The following TMEM156 variants were observed in gnomAD, a reference collection of about 807,000 sequenced individuals.
The protein encoded by TMEM156 is transmembrane protein 156.
In TMEM156, 28 loss-of-function variants were observed where a neutral mutation model predicts 30.5. The observed-to-expected ratio is 0.92, with a 90% CI of 0.68 to 1.26. TMEM156 has a LOEUF of 1.26. Among genes scored for constraint, TMEM156 ranks in the 50% most tolerant of loss-of-function variants. The pLI, the probability that TMEM156 is intolerant of heterozygous loss-of-function variation, is 0.00. For synonymous variants in TMEM156, 137 were observed against 119.9 expected, an observed-to-expected ratio of 1.14 and a Z score of -0.93; for missense variants, 351 against 340.6, an observed-to-expected ratio of 1.03 and a Z score of -0.24.
chr4:39,031,907 A>ACT, intron 1 of TMEM156, among the ~76,000 whole-genome samples: 1 of 106,264 alleles, frequency 9.4e-6, no homozygotes, highest in African/African-American at 3.1e-5. Context: ...ATAAAAAAAT[A>ACT]AAAAAAAACT....
At chr4:39,024,661 C>A (rs1055932007) in intron 1 of TMEM156, among the ~76,000 whole-genome samples, 1 of 152,040 alleles carries the variant, frequency 6.6e-6, no homozygotes, top group African/African-American at 2.4e-5. Context: ...ACACTGGGGC[C>A]TACCAGAGGG....
chr4:39,017,566 T>G (rs1714585848), intron 1 of TMEM156, among the ~76,000 whole-genome samples: 1 of 152,162 alleles, frequency 6.6e-6, no homozygotes, highest in South Asian at 2.1e-4. Flanking sequence ...TAAAACTAGC[T>G]ATTTGAATTG....
At chr4:39,001,059 G>A (rs1460947196) in intron 1 of TMEM156, among the ~76,000 whole-genome samples, 2 of 151,896 alleles carry the variant, frequency 1.3e-5, no homozygotes, top group Admixed American at 6.6e-5. Context: ...CTAAGGAATA[G>A]GCAACCTATC....
chr4:39,002,884 T>TG lies in TMEM156; in HGVS notation c.89-3976dup, dbSNP rs970567676. Among the ~76,000 whole-genome samples, 1,054 of 127,146 alleles carry TG rather than the reference T, an allele frequency of 8.3e-3. 13 individuals are homozygous for TG. The highest frequency in any genetic ancestry group is 0.03 in the African/African-American group (981 of 32,186). The allele number at this position is 127,146 out of a possible 152,430, so 83.4% of individuals were successfully genotyped here. A position where few individuals can be genotyped will look rare whatever the true frequency, so the allele number is the denominator to read the frequency against. On this transcript the variant is annotated intron_variant, in intron 1 of 6. Transcript: ENST00000381938. The stretch of plus-strand genomic sequence containing the variant: ...GAACATCACACTCTGGGGCCTGTTG[T>TG]GGGGGGGTGGACGGGGGAGGGATAG...
intron 6 of TMEM156, 33 bp downstream of exon 6, chr4:38,970,999 T>G (rs1722569235): frequency 7.3e-7 from 1 of 1,360,812 alleles, no homozygotes; most frequent in East Asian, 2.3e-5. Flanking sequence ...GTGTTTATAA[T>G]GAAGAAGTCG....
At chr4:39,030,261 G>C (rs1715439112) in intron 1 of TMEM156, among the ~76,000 whole-genome samples, 1 of 151,896 alleles carries the variant, frequency 6.6e-6, no homozygotes, top group South Asian at 2.1e-4. Context: ...AAGAGAAACA[G>C]CCATTTTAAG....
chr4:38,987,574 G>A (rs1318651651), intron 4 of TMEM156, among the ~76,000 whole-genome samples: 1 of 152,188 alleles, frequency 6.6e-6, no homozygotes, highest in Non-Finnish European at 1.5e-5. Context: ...TACTGAAATG[G>A]CTAACACAGC....
In TMEM156 at chr4:38,967,220, A is replaced by C. The variant is rs1156231793; in HGVS notation, c.*460T>G. On this transcript the variant is annotated 3_prime_UTR_variant, in exon 7 of 7. Transcript: ENST00000381938. ...TTTAAATAATCTGTGAAATAAAAAT[A>C]ATCTATCTGCATAGGAAACAATTAT... 1.3e-5 allele frequency: 2 copies of C among 152,212 alleles called. No homozygotes were observed. Among genetic ancestry groups the C allele is most frequent in the Non-Finnish European group, 2.9e-5 (2 of 68,042 alleles). The allele number at this position is 152,212 out of a possible 1,614,324, so 9.4% of individuals were successfully genotyped here. A position where few individuals can be genotyped will look rare whatever the true frequency, so the allele number is the denominator to read the frequency against.
intron 1 of TMEM156, among the ~76,000 whole-genome samples, chr4:39,003,880 C>T (rs1481509958): frequency 6.6e-6 from 1 of 152,026 alleles, no homozygotes; most frequent in South Asian, 2.1e-4. Flanking sequence ...GAAATGTTTA[C>T]TGTCAATAGT....
Position 38,971,106 on chromosome 4 carries a change from T to G in TMEM156, c.855A>C (p.Gln285His), listed in dbSNP as rs2109854925. Residue 285 changes from glutamine (Q) to histidine (H), a missense_variant, in exon 6 of 7, where the codon CAA (glutamine) becomes CAC (histidine). Gln to His is a conservative substitution (Grantham distance 24). Transcript: ENST00000381938. ...AETTQRLPLDQVQEVLPPIPE... is the reference protein window; with the variant it reads ...AETTQRLPLDHVQEVLPPIPE... The stretch of plus-strand genomic sequence containing the variant: ...GAATTGGGGGAAGCACTTCCTGGAC[T>G]TGATCCAAAGGCAGCCTCTGCGTGG... 1 of 1,614,080 alleles carries G rather than the reference T, an allele frequency of 6.2e-7. No individual in the cohort carries two copies.
At chr4:39,020,111 C>G (rs1312523177) in intron 1 of TMEM156, among the ~76,000 whole-genome samples, 4 of 152,196 alleles carry the variant, frequency 2.6e-5, no homozygotes, top group African/African-American at 4.8e-5. Flanking sequence ...CAGATTCATT[C>G]ATACTGTTGC....
intron 1 of TMEM156, 22 bp from the exon 2 acceptor site, chr4:38,998,931 A>C (rs1713130252): frequency 1.3e-6 from 2 of 1,581,800 alleles, no homozygotes; most frequent in East Asian, 2.2e-5. Context: ...AAAGAAAAAC[A>C]CTTTCTTTAC....
intron 1 of TMEM156, among the ~76,000 whole-genome samples, chr4:39,007,943 AG>A (rs1683867340): frequency 6.6e-6 from 1 of 152,138 alleles, no homozygotes; most frequent in Admixed American, 6.5e-5. Context: ...GTCTGTTGGT[AG>A]TATATGGAAA....
intron 1 of TMEM156, among the ~76,000 whole-genome samples, chr4:39,015,504 A>G (rs1714414784): frequency 6.6e-6 from 1 of 152,224 alleles, no homozygotes; most frequent in Non-Finnish European, 1.5e-5. Context: ...AGAAGCTGGA[A>G]ACAGCCAGAA....
chr4:39,031,905 A>AAAAAAAAAAAAAAAAAAAAAAAAC (rs60499521), intron 1 of TMEM156, among the ~76,000 whole-genome samples: 1 of 129,254 alleles, frequency 7.7e-6, no homozygotes, highest in Non-Finnish European at 1.6e-5. Flanking sequence ...AAATAAAAAA[A>AAAAAAAAAAAAAAAAAAAAAAAAC]TAAAAAAAAA....
At chr4:38,996,944 T>C (rs1273422326) in intron 2 of TMEM156, among the ~76,000 whole-genome samples, 1 of 152,196 alleles carries the variant, frequency 6.6e-6, no homozygotes, top group East Asian at 1.9e-4. Flanking sequence ...TAGATCAATG[T>C]CCATTGATAG....
chr4:38,976,921 T>C (rs1423835993), intron 5 of TMEM156, among the ~76,000 whole-genome samples: 1 of 152,142 alleles, frequency 6.6e-6, no homozygotes, highest in Non-Finnish European at 1.5e-5. Flanking sequence ...GTTGTTCTTG[T>C]TTGAGACAGA....
chr4:39,011,584 G>T (rs1048098030), intron 1 of TMEM156, among the ~76,000 whole-genome samples: 1 of 152,114 alleles, frequency 6.6e-6, no homozygotes, highest in African/African-American at 2.4e-5. Context: ...GACCAGTCTG[G>T]CCAAGATGGT....
At chr4:38,989,892 C>T (rs572483050) in intron 3 of TMEM156, among the ~76,000 whole-genome samples, 3 of 152,232 alleles carry the variant, frequency 2.0e-5, no homozygotes, top group South Asian at 2.1e-4. Flanking sequence ...CTCCACTTCC[C>T]GGGTTCAAGC....
Sources: gnomAD v4.1 joint callset for allele counts (sites outside exome capture counted in the v4.1 genomes callset) on GRCh38, gnomAD v4.1.1 for gene constraint, MANE v1.5 for transcripts, NCBI Gene and HGNC (gene_info 2026-07-23, HGNC 2026-07-21) for gene names.